CLVS1: variants seen among roughly 807,000 people sequenced by gnomAD.
CLVS1 encodes clavesin-1.
A neutral mutation model predicts 33.1 loss-of-function variants in CLVS1; 10 were observed. The ratio of observed to expected loss-of-function variants is 0.30; its 90% CI spans 0.19 to 0.51. CLVS1 has a LOEUF of 0.51. CLVS1 is among the 20% of genes least tolerant of loss of function. The probability of loss-of-function intolerance (pLI) is 0.97; values close to 1 mark genes in which losing one functional copy is unlikely to be tolerated. For missense variants in CLVS1, 343 were observed against 433.4 expected (o/e 0.79, Z 1.85); for synonymous variants, 163 against 166.1 (o/e 0.98, Z 0.14).
chr8:61,399,203 G>A (rs188643671), intron 3 of CLVS1, among the ~76,000 whole-genome samples: 56 of 152,092 alleles, frequency 3.7e-4, no homozygotes, highest in African/African-American at 1.1e-3. Flanking sequence ...CCACAACCTC[G>A]CCAGCTTCTG....
At chr8:61,263,342 A>G (rs1809244845) in intron 2 of CLVS1, among the ~76,000 whole-genome samples, 4 of 152,246 alleles carry the variant, frequency 2.6e-5, no homozygotes. Context: ...TTAAAAATGC[A>G]CAGTTGATTT....
chr8:61,462,384 G>A (rs1295921267), intron 5 of CLVS1, among the ~76,000 whole-genome samples: 1 of 152,054 alleles, frequency 6.6e-6, no homozygotes, highest in East Asian at 1.9e-4. Flanking sequence ...TGTTTGTTTT[G>A]TTTTGTTTTG....
intron 3 of CLVS1, among the ~76,000 whole-genome samples, chr8:61,383,101 G>A (rs1813949620): frequency 6.6e-6 from 1 of 152,160 alleles, no homozygotes; most frequent in Non-Finnish European, 1.5e-5. Context: ...CTGTAATTTG[G>A]ATCTCTGAAA....
intron 2 of CLVS1, among the ~76,000 whole-genome samples, chr8:61,170,721 A>G (rs1650686513): frequency 1.3e-5 from 2 of 152,212 alleles, no homozygotes; most frequent in South Asian, 4.1e-4. Context: ...TCATGGCATA[A>G]TCTACTTAGC....
At chr8:61,151,655 G>T (rs1806538911) in intron 2 of CLVS1, among the ~76,000 whole-genome samples, 1 of 152,178 alleles carries the variant, frequency 6.6e-6, no homozygotes. Context: ...CCTTTCACAG[G>T]GGCAGGGGAG....
At chr8:61,303,990 G>C (rs1810524440) in intron 2 of CLVS1, among the ~76,000 whole-genome samples, 1 of 152,196 alleles carries the variant, frequency 6.6e-6, no homozygotes. Context: ...CAATGAATGT[G>C]AACTACGGCA....
intron 1 of CLVS1, among the ~76,000 whole-genome samples, chr8:61,290,410 T>C (rs1040161901): frequency 6.6e-6 from 1 of 152,248 alleles, no homozygotes; most frequent in Admixed American, 6.5e-5. Context: ...ATTTTTATAA[T>C]GGATTTAAAG....
At chr8:61,410,851 A>G (rs949766213) in intron 3 of CLVS1, among the ~76,000 whole-genome samples, 63 of 152,280 alleles carry the variant, frequency 4.1e-4, no homozygotes, top group African/African-American at 1.2e-3. Context: ...CATGTTGGCC[A>G]GGCTGGTCTT....
intron 5 of CLVS1, among the ~76,000 whole-genome samples, chr8:61,470,047 G>A (rs1345819466): frequency 6.6e-6 from 1 of 152,214 alleles, no homozygotes; most frequent in Non-Finnish European, 1.5e-5. Flanking sequence ...GTGTTCCACA[G>A]ATGCCAATAG....
At chr8:61,432,901 C>G (rs1404610051) in intron 3 of CLVS1, among the ~76,000 whole-genome samples, 1 of 151,760 alleles carries the variant, frequency 6.6e-6, no homozygotes, top group Non-Finnish European at 1.5e-5. Context: ...TTGAGGACTT[C>G]AAAATTTAAA....
the CLVS1 span, among the ~76,000 whole-genome samples, chr8:60,974,633 T>C: frequency 2.0e-5 from 3 of 152,188 alleles, no homozygotes; most frequent in African/African-American, 7.2e-5. Flanking sequence ...TTAAGTGTCA[T>C]TGGCCACTTT....
intron 3 of CLVS1, among the ~76,000 whole-genome samples, chr8:61,437,095 A>T (rs73257389): frequency 2.0e-5 from 3 of 152,176 alleles, no homozygotes; most frequent in Non-Finnish European, 4.4e-5. Flanking sequence ...TTAGACAAAA[A>T]TCATTAAATT....
intron 3 of CLVS1, among the ~76,000 whole-genome samples, chr8:61,432,309 C>G (rs143624680): frequency 1.8e-4 from 28 of 151,952 alleles, no homozygotes; most frequent in Middle Eastern, 3.2e-3. Context: ...TATTATGGGA[C>G]GAATTGTTAC....
chr8:61,180,429 A>G (rs1189406739), intron 2 of CLVS1, among the ~76,000 whole-genome samples: 1 of 152,238 alleles, frequency 6.6e-6, no homozygotes, highest in African/African-American at 2.4e-5. Context: ...AGCTGGTACC[A>G]TTCCTACTGA....
chr8:61,301,657 A>G (rs1451613513), intron 2 of CLVS1, among the ~76,000 whole-genome samples: 1 of 152,188 alleles, frequency 6.6e-6, no homozygotes, highest in Non-Finnish European at 1.5e-5. Context: ...CTTTGATGAC[A>G]TAAGGCTTTT....
At chr8:61,389,866 A>G (rs935635448) in intron 3 of CLVS1, among the ~76,000 whole-genome samples, 2 of 152,260 alleles carry the variant, frequency 1.3e-5, no homozygotes, top group African/African-American at 4.8e-5. Flanking sequence ...GGTCATTTGT[A>G]TATCTTGGAA....
chr8:61,448,726 T>C (rs1384576848), intron 3 of CLVS1, among the ~76,000 whole-genome samples: 1 of 148,602 alleles, frequency 6.7e-6, no homozygotes, highest in Non-Finnish European at 1.5e-5. Flanking sequence ...AAAAAAAAAA[T>C]CCATATGGTT....
At chr8:61,417,817 A>T (rs530609233) in intron 3 of CLVS1, among the ~76,000 whole-genome samples, 2 of 152,134 alleles carry the variant, frequency 1.3e-5, no homozygotes, top group Non-Finnish European at 2.9e-5. Context: ...CTCTCAGGGG[A>T]TCTGGATTCA....
intron 2 of CLVS1, among the ~76,000 whole-genome samples, chr8:61,317,871 C>T (rs1036973408): frequency 2.0e-5 from 3 of 152,040 alleles, no homozygotes; most frequent in East Asian, 1.9e-4. Context: ...CATTATTCAA[C>T]ACCATGGTTA....
Sources: gnomAD v4.1 joint callset for allele counts (sites outside exome capture counted in the v4.1 genomes callset) on GRCh38, gnomAD v4.1.1 for gene constraint, MANE v1.5 for transcripts, NCBI Gene and HGNC (gene_info 2026-07-23, HGNC 2026-07-21) for gene names.